Variants in TBC1D19 observed in about 807,000 individuals in gnomAD.
TBC1D19 encodes the protein TBC1 domain family, member 19.
In TBC1D19, 60 loss-of-function variants were observed where a neutral mutation model predicts 89.0. The ratio of observed to expected loss-of-function variants is 0.67; its 90% CI spans 0.55 to 0.84. The LOEUF is 0.84. Among genes scored for constraint, TBC1D19 ranks in the 40% least tolerant of loss-of-function variants. The pLI, the probability that TBC1D19 is intolerant of heterozygous loss-of-function variation, is 0.00. For synonymous variants in TBC1D19, 189 were observed against 199.7 expected (o/e 0.95, Z 0.45); for missense variants, 500 against 610.8 (o/e 0.82, Z 1.91).
chr4:26,757,830 T>C (rs577814319), downstream of TBC1D19, among the ~76,000 whole-genome samples: 4 of 152,354 alleles, frequency 2.6e-5, no homozygotes, highest in African/African-American at 9.6e-5. Flanking sequence ...TGTAGTTCTC[T>C]GAATGCAGAT....
At chr4:26,649,340 C>G (rs918892690) in intron 7 of TBC1D19, among the ~76,000 whole-genome samples, 40 of 152,170 alleles carry the variant, frequency 2.6e-4, no homozygotes, top group African/African-American at 9.6e-4. Context: ...TCCCAATACC[C>G]CCAGCATTTT....
chr4:26,651,983 G>T (rs1015215417), intron 7 of TBC1D19, among the ~76,000 whole-genome samples: 6 of 152,100 alleles, frequency 3.9e-5, no homozygotes, highest in African/African-American at 1.4e-4. Flanking sequence ...TGTGGTTTTT[G>T]TCATTGGTTC....
chr4:26,765,487 G>C, the TBC1D19 span, among the ~76,000 whole-genome samples: 10 of 151,998 alleles, frequency 6.6e-5, no homozygotes, highest in African/African-American at 9.7e-5. Context: ...ATTTGGGGAT[G>C]AGAGAAGTGG....
chr4:26,803,226 TAAAC>T, the TBC1D19 span, among the ~76,000 whole-genome samples: 2 of 152,140 alleles, frequency 1.3e-5, no homozygotes, highest in Non-Finnish European at 2.9e-5. Context: ...AAAAAATAAA[TAAAC>T]CAATACTTTT....
In TBC1D19 at chr4:26,604,314, G is replaced by A. The variant is rs537502758; in HGVS notation, c.100-8855G>A. Among the ~76,000 whole-genome samples, 970 of 150,978 alleles carry A rather than the reference G, an allele frequency of 6.4e-3. 9 individuals are homozygous for A. The highest frequency in any genetic ancestry group is 0.022 in the African/African-American group (923 of 41,224). On this transcript the variant is annotated intron_variant, in intron 1 of 20. Transcript: ENST00000264866. ...ACTACAGGCACTTGCCACCACGCCCGGCTAATTTTTTGAATTTTTAGTAGA... is the reference window on the plus strand; with the variant it reads ...ACTACAGGCACTTGCCACCACGCCCAGCTAATTTTTTGAATTTTTAGTAGA...
chr4:26,771,821 C>T, the TBC1D19 span, among the ~76,000 whole-genome samples: 1 of 152,052 alleles, frequency 6.6e-6, no homozygotes, highest in African/African-American at 2.4e-5. Context: ...GTTCTTATCA[C>T]ATTTTTCAAA....
At chr4:26,606,817 A>T (rs1402998204) in intron 1 of TBC1D19, among the ~76,000 whole-genome samples, 1 of 152,180 alleles carries the variant, frequency 6.6e-6, no homozygotes, top group Non-Finnish European at 1.5e-5. Flanking sequence ...AGAGGGAATT[A>T]AAGGATCCTT....
At chr4:26,652,764 CTTT>C in intron 7 of TBC1D19, among the ~76,000 whole-genome samples, 2 of 152,186 alleles carry the variant, frequency 1.3e-5, no homozygotes, top group Admixed American at 1.3e-4. Context: ...CTCTTTTCTT[CTTT>C]ATTAGTCTTG....
intron 15 of TBC1D19, among the ~76,000 whole-genome samples, chr4:26,724,220 A>T (rs989529341): frequency 6.6e-6 from 1 of 152,222 alleles, no homozygotes; most frequent in African/African-American, 2.4e-5. Flanking sequence ...GAGCTAGGTC[A>T]GTTAGGGAGA....
Position 26,714,109 on chromosome 4 carries a change from G to C in TBC1D19, c.955-3824G>C, listed in dbSNP as rs887115048. Among the ~76,000 whole-genome samples the C allele has an allele frequency of 1.0e-3, 159 of 152,222 alleles. 1 individual carries two copies. Among genetic ancestry groups the C allele is most frequent in the African/African-American group, 3.7e-3 (154 of 41,546 alleles). ...GCCTGTAATCCCAGCACTTTGGAAG[G>C]CTGAGGCAGGAGGATTACTTGAGCT... On this transcript the variant is annotated intron_variant, in intron 13 of 20. Transcript: ENST00000264866.
chr4:26,773,440 A>G, the TBC1D19 span, among the ~76,000 whole-genome samples: 1 of 152,132 alleles, frequency 6.6e-6, no homozygotes, highest in East Asian at 1.9e-4. Flanking sequence ...ATAATAGTTT[A>G]TTTTGCTGTG....
chr4:26,843,159 A>C, the TBC1D19 span, among the ~76,000 whole-genome samples: 1 of 152,216 alleles, frequency 6.6e-6, no homozygotes, highest in Non-Finnish European at 1.5e-5. Flanking sequence ...CAGAAACATA[A>C]AACATAACTG....
chr4:26,633,031 A>G (rs74536949), intron 4 of TBC1D19, among the ~76,000 whole-genome samples: 2,536 of 152,124 alleles, frequency 0.017, 72 homozygotes, highest in African/African-American at 0.059. Context: ...CATATCTACA[A>G]TCTCTTTCAT....
At chr4:26,722,536 A>G (rs551860363) in intron 15 of TBC1D19, among the ~76,000 whole-genome samples, 2 of 152,308 alleles carry the variant, frequency 1.3e-5, no homozygotes, top group East Asian at 1.9e-4. Flanking sequence ...TACAGGAGCT[A>G]TAAAACAGCG....
At chr4:26,693,909 T>C (rs1262383611) in intron 13 of TBC1D19, among the ~76,000 whole-genome samples, 1 of 152,066 alleles carries the variant, frequency 6.6e-6, no homozygotes, top group Non-Finnish European at 1.5e-5. Flanking sequence ...TAAGAAATTG[T>C]CATTCAGCAG....
At chr4:26,691,590 T>C (rs1192220946) in intron 13 of TBC1D19, among the ~76,000 whole-genome samples, 1 of 152,230 alleles carries the variant, frequency 6.6e-6, no homozygotes, top group African/African-American at 2.4e-5. Flanking sequence ...ATTAGCATTT[T>C]TTTTTTAGCA....
At chr4:26,806,179 C>T in the TBC1D19 span, among the ~76,000 whole-genome samples, 1 of 151,816 alleles carries the variant, frequency 6.6e-6, no homozygotes, top group Non-Finnish European at 1.5e-5. Flanking sequence ...CACTTGCCTA[C>T]CCCATCCGCC....
chr4:26,825,436 G>T, the TBC1D19 span, among the ~76,000 whole-genome samples: 3 of 152,024 alleles, frequency 2.0e-5, no homozygotes, highest in Non-Finnish European at 2.9e-5. Context: ...GAGTAACTAG[G>T]TATATAAGGG....
chr4:26,584,276 T>C lies in TBC1D19; in HGVS notation c.83T>C (p.Leu28Pro). The change falls in exon 1 of 21, where the codon CTG (leucine) becomes CCG (proline). Residue 28 changes from leucine to proline, a missense_variant. Coordinates refer to ENST00000264866, the MANE Select transcript of TBC1D19 (RefSeq NM_018317.4). ...AAGGGCTCCAATTTGTACTCTCAGC[T>C]GGAACGGCAGGCCTGGGTAAGTGAG... The part of the protein sequence containing the change: ...KLKGSNLYSQ[L>P]ERQAWASLQR... 6.2e-7 allele frequency: 1 copy of C among 1,611,460 alleles called. No homozygotes were observed. Among genetic ancestry groups the C allele is most frequent in the Non-Finnish European group, 8.5e-7 (1 of 1,179,080 alleles).
Sources: allele counts gnomAD v4.1 joint callset (sites outside exome capture counted in the v4.1 genomes callset), GRCh38; gene constraint gnomAD v4.1.1; transcripts MANE v1.5; gene names NCBI Gene and HGNC (gene_info 2026-07-23, HGNC 2026-07-21).